TMEM117: variants seen among roughly 807,000 people sequenced by gnomAD.
The protein encoded by TMEM117 is transmembrane protein 117.
In TMEM117, 27 loss-of-function variants were observed where a neutral mutation model predicts 52.4. The ratio of observed to expected loss-of-function variants is 0.51; its 90% confidence interval spans 0.38 to 0.71. The LOEUF is 0.71. Ranked by LOEUF, TMEM117 falls within the 30% of genes least tolerant of loss-of-function variation. TMEM117 has a pLI of 0.00. For missense variants in TMEM117, 556 were observed against 630.5 expected, an observed-to-expected ratio of 0.88 and a Z score of 1.26; for synonymous variants, 215 against 206.3, an observed-to-expected ratio of 1.04 and a Z score of -0.36.
intron 6 of TMEM117, among the ~76,000 whole-genome samples, chr12:44,346,968 A>C (rs149764173): frequency 1.3e-5 from 2 of 152,170 alleles, no homozygotes; most frequent in Non-Finnish European, 2.9e-5. Flanking sequence ...AATTAGTTTT[A>C]ACCACTTTTT....
chr12:43,871,539 A>G (rs1293549272), intron 2 of TMEM117, among the ~76,000 whole-genome samples: 1 of 152,126 alleles, frequency 6.6e-6, no homozygotes, highest in African/African-American at 2.4e-5. Flanking sequence ...TCTTCTTTTG[A>G]GAAGTGTCTG....
chr12:44,288,942 C>T (rs1287338282), intron 5 of TMEM117, among the ~76,000 whole-genome samples: 1 of 152,072 alleles, frequency 6.6e-6, no homozygotes, highest in Non-Finnish European at 1.5e-5. Context: ...TTATAGTCAC[C>T]ATGCTGTACA....
chr12:44,292,992 G>A (rs754803084), intron 5 of TMEM117, among the ~76,000 whole-genome samples: 2 of 151,842 alleles, frequency 1.3e-5, no homozygotes, highest in South Asian at 2.1e-4. Flanking sequence ...ATTTTGATCT[G>A]TATGATCTAT....
In TMEM117 at chr12:43,969,356, TA is replaced by T. The variant is rs1166788465; in HGVS notation, c.410+25031del. On this transcript the variant is annotated intron_variant, in intron 3 of 7. Transcript: ENST00000266534. Reference sequence around the variant, plus strand: ...CAAGATGGTGAAACCCCGTCTCTACTAAAAAAAAAAAAAAAAATTAGCCAGG... The same window carrying T: ...CAAGATGGTGAAACCCCGTCTCTACTAAAAAAAAAAAAAAAATTAGCCAGG... 2.0e-3 allele frequency among the ~76,000 whole-genome samples: 161 copies of T among 79,552 alleles called. 23 individuals are homozygous for T. The highest frequency in any genetic ancestry group is 0.011 in the African/African-American group (154 of 13,892). 52.2% of individuals were successfully genotyped at this position (79,552 alleles called of 152,430 possible).
At chr12:44,330,422 A>C (rs1054673651) in intron 6 of TMEM117, among the ~76,000 whole-genome samples, 1 of 152,100 alleles carries the variant, frequency 6.6e-6, no homozygotes, top group East Asian at 1.9e-4. Flanking sequence ...TCTAGCAGCC[A>C]CATTAAAAAA....
rs77089788 is a variant in TMEM117 at position 43,836,900 on chromosome 12, G to C, written c.-29+704G>C. Among the ~76,000 whole-genome samples, 270 of 152,164 alleles carry C rather than the reference G, an allele frequency of 1.8e-3. 9 individuals are homozygous for C. In the East Asian group the frequency reaches 0.043, roughly 24 times the overall value. ...ATGAGTAAAAGTATGTTGAATATAA[G>C]GGTATGTATTGCCCCCAATTATAAA... On this transcript the variant is annotated intron_variant, in intron 1 of 7. Coordinates refer to ENST00000266534, the MANE Select transcript of TMEM117 (RefSeq NM_032256.3).
chr12:44,194,695 A>G (rs1949395854), intron 4 of TMEM117, among the ~76,000 whole-genome samples: 1 of 151,916 alleles, frequency 6.6e-6, no homozygotes, highest in Non-Finnish European at 1.5e-5. Context: ...GCATGGTGGC[A>G]TGGCACACAC....
At chr12:43,886,480 G>A (rs1943996609) in intron 2 of TMEM117, among the ~76,000 whole-genome samples, 1 of 152,156 alleles carries the variant, frequency 6.6e-6, no homozygotes, top group African/African-American at 2.4e-5. Flanking sequence ...ATTGCAGTTG[G>A]TTCAGGAGTA....
At chr12:43,872,115 C>A (rs1432580867) in intron 2 of TMEM117, among the ~76,000 whole-genome samples, 1 of 152,146 alleles carries the variant, frequency 6.6e-6, no homozygotes, top group Non-Finnish European at 1.5e-5. Context: ...TTACTCAGGC[C>A]TGTCTTGAAT....
chr12:43,861,687 A>C (rs536318409), intron 2 of TMEM117, among the ~76,000 whole-genome samples: 28 of 152,248 alleles, frequency 1.8e-4, no homozygotes, highest in Non-Finnish European at 3.8e-4. Context: ...AGCTTTAGGT[A>C]TGCAAGAAAG....
intron 3 of TMEM117, among the ~76,000 whole-genome samples, chr12:44,068,139 T>A (rs1947249931): frequency 6.6e-6 from 1 of 152,200 alleles, no homozygotes; most frequent in Non-Finnish European, 1.5e-5. Context: ...TGAAGAGAGT[T>A]AGGGCCTTGC....
Position 43,876,966 on chromosome 12 carries a change from A to G in TMEM117, c.277+32038A>G, listed in dbSNP as rs1483052443. Among the ~76,000 whole-genome samples, 3 of 152,110 alleles carry G rather than the reference A, an allele frequency of 2.0e-5. No individual in the cohort carries two copies. The East Asian group carries it at 5.8e-4, about 29-fold the overall frequency. The stretch of plus-strand genomic sequence containing the variant: ...CATCTTACTGTGTCAATAAGCATAT[A>G]TTTTCATAATGTGTAATGTATAGTA... On this transcript the variant is annotated intron_variant, in intron 2 of 7. Transcript: ENST00000266534.
intron 6 of TMEM117, among the ~76,000 whole-genome samples, chr12:44,335,406 C>T (rs1951328007): frequency 6.6e-6 from 1 of 152,002 alleles, no homozygotes; most frequent in Non-Finnish European, 1.5e-5. Context: ...ATTTTTAATT[C>T]ACTCTCATTG....
intron 3 of TMEM117, among the ~76,000 whole-genome samples, chr12:44,014,289 A>G (rs889771813): frequency 6.6e-6 from 1 of 152,168 alleles, no homozygotes; most frequent in African/African-American, 2.4e-5. Context: ...TGGTATGGAC[A>G]TGCTCCCTCA....
chr12:43,867,389 A>G (rs1943621286), intron 2 of TMEM117, among the ~76,000 whole-genome samples: 1 of 152,218 alleles, frequency 6.6e-6, no homozygotes, highest in Non-Finnish European at 1.5e-5. Flanking sequence ...ATAAAATAAT[A>G]TTATGCCAAA....
chr12:43,896,322 C>T (rs1205700442), intron 2 of TMEM117, among the ~76,000 whole-genome samples: 1 of 152,158 alleles, frequency 6.6e-6, no homozygotes, highest in Non-Finnish European at 1.5e-5. Context: ...TCCCAATCTC[C>T]CTGTTTCCAT....
At chr12:44,017,630 A>T (rs1946393517) in intron 3 of TMEM117, among the ~76,000 whole-genome samples, 1 of 152,174 alleles carries the variant, frequency 6.6e-6, no homozygotes, top group African/African-American at 2.4e-5. Flanking sequence ...AGAACAAAAT[A>T]TATCCAGCTG....
chr12:44,052,707 G>A (rs1336596628), intron 3 of TMEM117, among the ~76,000 whole-genome samples: 3 of 152,148 alleles, frequency 2.0e-5, no homozygotes, highest in African/African-American at 7.2e-5. Flanking sequence ...GTCTGACCCA[G>A]GGGAAATAGT....
chr12:44,206,686 A>G lies in TMEM117; in HGVS notation c.511-4604A>G, dbSNP rs116356969. ...AGCAACATGGATGCAGCTAGAGACT[A>G]TTATCCTAAGCAAATTAATAAAGGA... On this transcript the variant is annotated intron_variant, in intron 4 of 7. Transcript: ENST00000266534. Among the ~76,000 whole-genome samples, 225 of 152,344 alleles carry G rather than the reference A, an allele frequency of 1.5e-3. 2 individuals are homozygous for G. Among genetic ancestry groups the G allele is most frequent in the African/African-American group, 5.1e-3 (212 of 41,576 alleles).
Sources: gnomAD v4.1 joint callset for allele counts (sites outside exome capture counted in the v4.1 genomes callset) on GRCh38, gnomAD v4.1.1 for gene constraint, MANE v1.5 for transcripts, NCBI Gene and HGNC (gene_info 2026-07-23, HGNC 2026-07-21) for gene names.